MRC2: variants seen among roughly 807,000 people sequenced by gnomAD.
The protein encoded by MRC2 is mannose receptor C-type 2.
In MRC2, 84 loss-of-function variants were observed where a neutral mutation model predicts 206.2. The ratio of observed to expected loss-of-function variants is 0.41; its 90% CI spans 0.34 to 0.49. The LOEUF is 0.49. MRC2 is among the 20% of genes least tolerant of loss of function. The pLI is 0.31. For synonymous variants in MRC2, 798 were observed against 800.0 expected (o/e 1.00, Z 0.04); for missense variants, 1,676 against 2,001.5 (o/e 0.84, Z 3.10).
chr17:62,668,771 A>G (rs1415155624), intron 6 of MRC2, among the ~76,000 whole-genome samples: 1 of 152,180 alleles, frequency 6.6e-6, no homozygotes, highest in Non-Finnish European at 1.5e-5. Flanking sequence ...GTTTGTGATC[A>G]TAGAGACAGC....
rs529974197 is a variant in MRC2 at position 62,652,553 on chromosome 17, C to A, written c.119-11995C>A. 6.6e-6 allele frequency among the ~76,000 whole-genome samples: 1 copy of A among 152,202 alleles called. No homozygotes were observed. On this transcript the variant is annotated intron_variant, in intron 1 of 29. Transcript: ENST00000303375. This position sits in a 1 kb window ranked among gnomAD's most constrained non-coding sequence, Gnocchi z 4.6. Reference sequence around the variant, plus strand: ...GGAGCCAGCCGTCGTTGTGAAAATTCCCCCCACGGGGAAGGAAGTGGCTCT... The same window carrying A: ...GGAGCCAGCCGTCGTTGTGAAAATTACCCCCACGGGGAAGGAAGTGGCTCT...
intron 9 of MRC2, 101 bp downstream of exon 9, chr17:62,674,271 C>T: frequency 3.6e-6 from 3 of 830,894 alleles, no homozygotes; most frequent in South Asian, 3.6e-5. Context: ...CATGGCATCG[C>T]CCTCTCGTCG....
Position 62,658,319 on chromosome 17 carries a change from G to A in MRC2, c.119-6229G>A, listed in dbSNP as rs187810973. Among the ~76,000 whole-genome samples, 10 of 152,318 alleles carry A rather than the reference G, an allele frequency of 6.6e-5. No individual in the cohort carries two copies. The East Asian group carries it at 1.7e-3, about 26-fold the overall frequency. ...TGCTGCGAGTTTCCTTGTGGTCCCA[G>A]CATTGCCTGGAACATGCCATGCACC... is the stretch of plus-strand genomic sequence containing the variant. On this transcript the variant is annotated intron_variant, in intron 1 of 29. Coordinates refer to ENST00000303375, the MANE Select transcript of MRC2 (RefSeq NM_006039.5).
chr17:62,671,932 C>T lies in MRC2; in HGVS notation c.1307-66C>T, dbSNP rs1402234738. The T allele has an allele frequency of 4.4e-5, 71 of 1,609,682 alleles. No individual in the cohort carries two copies. In the East Asian group the frequency reaches 1.5e-3, roughly 34 times the overall value. Reference sequence around the variant, plus strand: ...GGAGCCTCAGAGAATGTTCCTTCCTCCCTACTGGTGGCTGAGGCTGACCTC... The same window carrying T: ...GGAGCCTCAGAGAATGTTCCTTCCTTCCTACTGGTGGCTGAGGCTGACCTC... On this transcript the variant is annotated intron_variant, in intron 7 of 29. Coordinates refer to ENST00000303375, the MANE Select transcript of MRC2 (RefSeq NM_006039.5). This position sits in a 1 kb window ranked among gnomAD's most constrained non-coding sequence, Gnocchi z 4.5.
chr17:62,671,554 C>A lies in MRC2; in HGVS notation c.1118-95C>A. The A allele has an allele frequency of 8.6e-7, 1 of 1,168,228 alleles. No homozygotes were observed. The highest frequency in any genetic ancestry group is 1.2e-6 in the Non-Finnish European group (1 of 840,224). 72.4% of individuals were successfully genotyped at this position (1,168,228 alleles called of 1,614,324 possible). On this transcript the variant is annotated intron_variant, in intron 6 of 29. Coordinates refer to ENST00000303375, the MANE Select transcript of MRC2 (RefSeq NM_006039.5). The surrounding 1 kb of genome is among the most constrained non-coding windows in gnomAD (Gnocchi z 4.5). ...CTGGGAGAGTTTGGAGAGGAGGTGA[C>A]TGGGAGGCCTCGCCTGTGTTGACGT... is the stretch of plus-strand genomic sequence containing the variant.
chr17:62,631,856 A>C (rs1341625042), intron 1 of MRC2, among the ~76,000 whole-genome samples: 1 of 152,094 alleles, frequency 6.6e-6, no homozygotes, highest in East Asian at 1.9e-4. Flanking sequence ...TCATTCATTC[A>C]TTCCTTCAGT....
chr17:62,682,829 A>T (rs1437110222), intron 20 of MRC2, among the ~76,000 whole-genome samples: 1 of 151,844 alleles, frequency 6.6e-6, no homozygotes, highest in Admixed American at 6.6e-5. Flanking sequence ...TTTAGTAGAG[A>T]TGGGGTTTCA....
rs555601686 is a variant in MRC2 at position 62,680,273 on chromosome 17, A to T, written c.2402A>T (p.Asp801Val). ...ASLQWVAMQC[D>V]TQLDWICKIP... is the part of the protein sequence containing the mutation. ...CTGCAGTGGGTGGCCATGCAGTGCG[A>T]CACACAGCTGGACTGGATCTGCAAG... The change falls in exon 15 of 30, where the codon GAC becomes GTC. Residue 801 changes from aspartate to valine, a missense_variant. By Grantham distance (152) the Asp-to-Val change is radical. This residue lies in a region of MRC2 where 1,354 missense variants were observed against 1,636.6 expected (regional missense o/e 0.83). Transcript: ENST00000303375. This position sits in a 1 kb window ranked among gnomAD's most constrained non-coding sequence, Gnocchi z 4.8. 6.4e-5 allele frequency: 103 copies of T among 1,613,976 alleles called. 1 individual carries two copies. The South Asian group carries it at 1.1e-3, about 17-fold the overall frequency.
rs1241264481 is a variant in MRC2, at chr17:62,668,371, T to A, written c.1117+838T>A. On this transcript the variant is annotated intron_variant, in intron 6 of 29. Coordinates refer to ENST00000303375, the MANE Select transcript of MRC2 (RefSeq NM_006039.5). ...GACCCTGCCTCAAAAAATAAATAAA[T>A]AAATAAATAAATAAATTTAAAAAAA... is the stretch of plus-strand genomic sequence containing the variant. Among the ~76,000 whole-genome samples the A allele has an allele frequency of 2.7e-3, 339 of 123,778 alleles. 6 individuals carry two copies. Among genetic ancestry groups the A allele is most frequent in the African/African-American group, 9.9e-3 (312 of 31,504 alleles). 81.2% of individuals were successfully genotyped at this position (123,778 alleles called of 152,430 possible).
chr17:62,674,294 C>T (rs2088863090), intron 9 of MRC2, 124 bp downstream of exon 9: 3 of 666,352 alleles, frequency 4.5e-6, no homozygotes, highest in South Asian at 1.9e-5. Context: ...ACCCCCTTCC[C>T]TGAGCTCTCC....
chr17:62,681,977 C>T (rs2088973693), intron 19 of MRC2, 40 bp downstream of exon 19: 1 of 1,554,784 alleles, frequency 6.4e-7, no homozygotes, highest in Non-Finnish European at 8.8e-7. Flanking sequence ...GTCAGCTGTG[C>T]AAAGGGTTAA....
Position 62,677,473 on chromosome 17 carries a change from G to T in MRC2, c.2039G>T (p.Arg680Leu). The T allele has an allele frequency of 6.2e-7, 1 of 1,605,020 alleles. No individual in the cohort carries two copies. Among genetic ancestry groups the T allele is most frequent in the Non-Finnish European group, 8.5e-7 (1 of 1,174,816 alleles). ...GGCTGGGCCTCGGACACCAAACTCC[G>T]GTATTGCTATAAGGTAGGGCAGCCT... ...PQGWASDTKL[R>L]YCYKVFSSER... The change falls in exon 12 of 30, where the codon CGG becomes CTG. Residue 680 changes from arginine to leucine, a missense_variant. Arg to Leu is a moderately radical substitution (Grantham distance 102). This residue lies in a region of MRC2 where 1,354 missense variants were observed against 1,636.6 expected (regional missense o/e 0.83). Transcript: ENST00000303375.
At chr17:62,643,065 C>T (rs1253555586) in intron 1 of MRC2, among the ~76,000 whole-genome samples, 2 of 152,112 alleles carry the variant, frequency 1.3e-5, no homozygotes, top group Non-Finnish European at 2.9e-5. Context: ...CGGTTGCTCT[C>T]GCCTGTAATC....
Position 62,680,508 on chromosome 17 carries a change from CTG to C in MRC2, c.2473+56_2473+57del, listed in dbSNP as rs1293504008. On this transcript the variant is annotated intron_variant, in intron 16 of 29. Coordinates refer to ENST00000303375, the MANE Select transcript of MRC2 (RefSeq NM_006039.5). This position sits in a 1 kb window ranked among gnomAD's most constrained non-coding sequence, Gnocchi z 4.8. ...CATCGCGTGGGAGAGGGCGTCAACTCTGGGGTAAGTCCCGAGAGGCCTGAATG... is the reference window on the plus strand; with the variant it reads ...CATCGCGTGGGAGAGGGCGTCAACTCGGGTAAGTCCCGAGAGGCCTGAATG... 6.2e-7 allele frequency: 1 copy of C among 1,607,688 alleles called. No individual in the cohort carries two copies. Among genetic ancestry groups the C allele is most frequent in the African/African-American group, 1.3e-5 (1 of 74,838 alleles).
intron 6 of MRC2, among the ~76,000 whole-genome samples, chr17:62,668,861 G>A (rs2088790507): frequency 6.6e-6 from 1 of 152,150 alleles, no homozygotes; most frequent in Non-Finnish European, 1.5e-5. Flanking sequence ...GTGTGGCCCT[G>A]GGCAAGCAGC....
At chr17:62,633,521 AAG>A (rs1555674228) in intron 1 of MRC2, among the ~76,000 whole-genome samples, 4 of 147,912 alleles carry the variant, frequency 2.7e-5, no homozygotes, top group Admixed American at 6.8e-5. Flanking sequence ...AAAAAAAAAA[AAG>A]AGAAAACATG....
Position 62,664,978 on chromosome 17 carries a change from G to A in MRC2, c.520+29G>A. ...AGGGGCCGCTTGCAGGCGGGAGGGTGGGGTCCCCGATGTCCAGGGGACTGG... is the reference window on the plus strand; with the variant it reads ...AGGGGCCGCTTGCAGGCGGGAGGGTAGGGTCCCCGATGTCCAGGGGACTGG... On this transcript the variant is annotated intron_variant, in intron 2 of 29. Transcript: ENST00000303375. This position sits in a 1 kb window ranked among gnomAD's most constrained non-coding sequence, Gnocchi z 4.7. 1 of 1,571,782 alleles carries A rather than the reference G, an allele frequency of 6.4e-7. No individual in the cohort carries two copies. The highest frequency in any genetic ancestry group is 8.6e-7 in the Non-Finnish European group (1 of 1,162,106).
chr17:62,634,381 A>G lies in MRC2; in HGVS notation c.118+6461A>G, dbSNP rs565584884. Among the ~76,000 whole-genome samples, 6 of 152,120 alleles carry G rather than the reference A, an allele frequency of 3.9e-5. No homozygotes were observed. In the South Asian group the frequency reaches 1.3e-3, roughly 32 times the overall value. On this transcript the variant is annotated intron_variant, in intron 1 of 29. Transcript: ENST00000303375. ...GATGGCGTGGTCTTGGCTCACTGCAACCTCTGCCTCCCAGGTTCAAGCAAT... is the reference window on the plus strand; with the variant it reads ...GATGGCGTGGTCTTGGCTCACTGCAGCCTCTGCCTCCCAGGTTCAAGCAAT...
intron 20 of MRC2, among the ~76,000 whole-genome samples, chr17:62,686,625 G>A (rs1023847717): frequency 6.6e-6 from 1 of 152,202 alleles, no homozygotes; most frequent in Non-Finnish European, 1.5e-5. Flanking sequence ...AGCTCCTGGA[G>A]GGCAGGGCCA....
Sources: allele counts gnomAD v4.1 joint callset (sites outside exome capture counted in the v4.1 genomes callset), GRCh38; gene constraint gnomAD v4.1.1; regional missense constraint gnomAD v4.1.1; non-coding constraint Gnocchi (gnomAD v3.1); transcripts MANE v1.5; gene names NCBI Gene and HGNC (gene_info 2026-07-23, HGNC 2026-07-21).